SSBP3: variants seen among roughly 807,000 people sequenced by gnomAD.
The protein encoded by SSBP3 is single stranded DNA binding protein 3.
A neutral mutation model predicts 69.6 loss-of-function variants in SSBP3; 5 were observed. The observed-to-expected ratio is 0.07, with a 90% CI of 0.04 to 0.15. The LOEUF is 0.15. Among genes scored for constraint, SSBP3 ranks in the 10% least tolerant of loss-of-function variants. The pLI, the probability that SSBP3 is intolerant of heterozygous loss-of-function variation, is 1.00. For synonymous variants in SSBP3, 196 were observed against 193.4 expected (o/e 1.01, Z -0.11); for missense variants, 312 against 534.0 (o/e 0.58, Z 4.10).
intron 4 of SSBP3, among the ~76,000 whole-genome samples, chr1:54,283,216 C>A (rs1263650066): frequency 6.7e-6 from 1 of 148,958 alleles, no homozygotes; most frequent in African/African-American, 2.5e-5. Context: ...TGCAGTGAGC[C>A]AAGATTGCAC....
chr1:54,340,934 G>A (rs992421246), intron 4 of SSBP3, among the ~76,000 whole-genome samples: 1 of 152,254 alleles, frequency 6.6e-6, no homozygotes, highest in Admixed American at 6.5e-5. Context: ...GCAGTGGAAA[G>A]AACCAGGCTA....
intron 4 of SSBP3, among the ~76,000 whole-genome samples, chr1:54,317,522 G>A (rs1231739749): frequency 6.6e-6 from 1 of 151,228 alleles, no homozygotes; most frequent in Non-Finnish European, 1.5e-5. Context: ...GGGTGATAGA[G>A]CGAGACTCTC....
At chr1:54,252,095 A>G (rs547934065) in intron 7 of SSBP3, among the ~76,000 whole-genome samples, 96 of 152,024 alleles carry the variant, frequency 6.3e-4, no homozygotes, top group African/African-American at 2.3e-3. Flanking sequence ...GAGGGAAACC[A>G]CCGCCTCATC....
At chr1:54,250,370 G>T (rs1440022871) in intron 9 of SSBP3, among the ~76,000 whole-genome samples, 1 of 151,694 alleles carries the variant, frequency 6.6e-6, no homozygotes, top group African/African-American at 2.4e-5. Flanking sequence ...GCTTGGGCTT[G>T]CTGTAAATAC....
chr1:54,382,999 AAAG>A (rs1263035634), intron 4 of SSBP3, among the ~76,000 whole-genome samples: 5 of 150,818 alleles, frequency 3.3e-5, no homozygotes, highest in African/African-American at 4.9e-5. Flanking sequence ...AAAAAAAAAA[AAAG>A]AAGAGAGAGA....
intron 4 of SSBP3, among the ~76,000 whole-genome samples, chr1:54,323,073 G>T (rs941694679): frequency 3.3e-5 from 5 of 152,158 alleles, no homozygotes; most frequent in Non-Finnish European, 7.4e-5. Flanking sequence ...GAACCTTTTT[G>T]AGTTATTTGG....
chr1:54,302,986 T>A (rs772494180), intron 4 of SSBP3, among the ~76,000 whole-genome samples: 2 of 152,190 alleles, frequency 1.3e-5, no homozygotes, highest in Non-Finnish European at 2.9e-5. Context: ...AAGCAGGTGA[T>A]CTAGCGGGGC....
chr1:54,240,755 C>T, intron 13 of SSBP3, 150 bp downstream of exon 13: 1 of 982,924 alleles, frequency 1.0e-6, no homozygotes, highest in African/African-American at 1.6e-5. Context: ...AAGGGACCCC[C>T]TGCCCTCTAA....
At position 54,251,872 on chromosome 1, in the gene SSBP3, G is replaced by C; in HGVS notation, c.508-12C>G. 1.2e-6 allele frequency: 2 copies of C among 1,610,488 alleles called. No homozygotes were observed. The highest frequency in any genetic ancestry group is 1.1e-5 in the South Asian group (1 of 90,658). Reference sequence around the variant, plus strand: ...ACTCCTCCCGGAGGCTGAAAGAGATGCAAGACACAAGCTGAGGAGCTGCTC... The same window carrying C: ...ACTCCTCCCGGAGGCTGAAAGAGATCCAAGACACAAGCTGAGGAGCTGCTC... On this transcript the variant is annotated splice_polypyrimidine_tract_variant and intron_variant, in intron 7 of 17. Transcript: ENST00000610401.
chr1:54,406,300 C>G (rs1290878128), exon 1 of SSBP3: 1 of 235,736 alleles, frequency 4.2e-6, no homozygotes, highest in South Asian at 1.6e-4. Context: ...GCCGCCCGCT[C>G]TCCGCTCGCT....
intron 1 of SSBP3, among the ~76,000 whole-genome samples, chr1:54,412,526 C>T (rs529701167): frequency 6.6e-6 from 1 of 151,966 alleles, no homozygotes; most frequent in East Asian, 1.9e-4. Context: ...AAGGTGGTTG[C>T]CAGAGCCTGG....
intron 4 of SSBP3, among the ~76,000 whole-genome samples, chr1:54,373,138 T>C (rs1214069360): frequency 2.6e-5 from 4 of 152,102 alleles, no homozygotes; most frequent in Non-Finnish European, 4.4e-5. Flanking sequence ...CCTGACAGCA[T>C]TGCTTCACCT....
chr1:54,402,253 G>T (rs1430797129), intron 3 of SSBP3, among the ~76,000 whole-genome samples: 1 of 152,166 alleles, frequency 6.6e-6, no homozygotes, highest in East Asian at 1.9e-4. Flanking sequence ...ACTTTACACA[G>T]GGGGCAACTG....
chr1:54,253,179 T>TG (rs1418578343), intron 7 of SSBP3, among the ~76,000 whole-genome samples: 4 of 149,644 alleles, frequency 2.7e-5, no homozygotes, highest in African/African-American at 7.5e-5. Context: ...TTTTTGTTTT[T>TG]TTTTTAGTTT....
At chr1:54,360,044 T>C (rs1323289646) in intron 4 of SSBP3, among the ~76,000 whole-genome samples, 1 of 152,202 alleles carries the variant, frequency 6.6e-6, no homozygotes, top group Non-Finnish European at 1.5e-5. Flanking sequence ...ACCTGACATA[T>C]ACCATGTGCT....
rs909103190 is a variant in SSBP3 at position 54,348,004 on chromosome 1, C to T, written c.276+53857G>A. 3.9e-5 allele frequency among the ~76,000 whole-genome samples: 6 copies of T among 152,314 alleles called. No individual in the cohort carries two copies. In the East Asian group the frequency reaches 5.8e-4, roughly 15 times the overall value. ...CTCTCAACACTCTCAGCCACCCAAT[C>T]ACCCACCCCTTTCCTCACTGTGTGC... On this transcript the variant is annotated intron_variant, in intron 4 of 17. Coordinates refer to ENST00000610401, the Ensembl canonical transcript of SSBP3.
intron 4 of SSBP3, among the ~76,000 whole-genome samples, chr1:54,334,850 A>C (rs1211524020): frequency 6.6e-6 from 1 of 152,216 alleles, no homozygotes; most frequent in Non-Finnish European, 1.5e-5. Flanking sequence ...CTTGCCGTTC[A>C]AATGAATCTT....
In SSBP3 at chr1:54,232,281, ATT is replaced by A. The variant is rs551305865; in HGVS notation, c.928-3457_928-3456del. Among the ~76,000 whole-genome samples the A allele has an allele frequency of 5.2e-3, 787 of 152,316 alleles. 4 individuals are homozygous for A. The highest frequency in any genetic ancestry group is 0.018 in the African/African-American group (762 of 41,570). On this transcript the variant is annotated intron_variant, in intron 14 of 17. Coordinates refer to ENST00000610401, the Ensembl canonical transcript of SSBP3. ...AATAACTTTTTGCTCGAATACTTAA[ATT>A]TGATAGGCTATATTACATTAATTAT...
chr1:54,226,056 G>C (rs567672832), exon 18 of SSBP3: 1 of 152,350 alleles, frequency 6.6e-6, no homozygotes, highest in East Asian at 1.9e-4. Context: ...GAGGATCTCG[G>C]GACCAGAACG....
Sources: allele counts gnomAD v4.1 joint callset (sites outside exome capture counted in the v4.1 genomes callset), GRCh38; gene constraint gnomAD v4.1.1; transcripts MANE v1.5; gene names NCBI Gene and HGNC (gene_info 2026-07-23, HGNC 2026-07-21).